Variants in TNRC18 observed in about 807,000 individuals in gnomAD.
TNRC18 encodes trinucleotide repeat-containing gene 18 protein.
In TNRC18, 69 loss-of-function variants were observed where a neutral mutation model predicts 226.7. The observed-to-expected ratio is 0.30, with a 90% CI of 0.25 to 0.37. The LOEUF (loss-of-function observed/expected upper bound fraction) is 0.37, where lower values mean the gene tolerates loss of function less well. Ranked by LOEUF, TNRC18 falls within the 10% of genes least tolerant of loss-of-function variation. TNRC18 has a pLI of 1.00. For missense variants in TNRC18, 4,754 were observed against 4,256.6 expected, an observed-to-expected ratio of 1.12 and a Z score of -3.25; for synonymous variants, 2,449 against 1,927.6, an observed-to-expected ratio of 1.27 and a Z score of -7.09.
chr7:5,382,031 G>T (rs1261485029), intron 5 of TNRC18, among the ~76,000 whole-genome samples: 1 of 151,948 alleles, frequency 6.6e-6, no homozygotes, highest in Non-Finnish European at 1.5e-5. Flanking sequence ...ATAAACAAAG[G>T]CTGTCCCTGT....
At chr7:5,358,769 G>C (rs557163795) in intron 15 of TNRC18, among the ~76,000 whole-genome samples, 1 of 152,174 alleles carries the variant, frequency 6.6e-6, no homozygotes, top group Non-Finnish European at 1.5e-5. Flanking sequence ...AGCCGAGATC[G>C]TGCCACGGCA....
Position 5,332,788 on chromosome 7 carries a change from C to A in TNRC18, c.5981G>T (p.Trp1994Leu), listed in dbSNP as rs1005949548. 1.3e-6 allele frequency: 2 copies of A among 1,513,918 alleles called. No homozygotes were observed. The highest frequency in any genetic ancestry group is 4.2e-5 in the Admixed American group (2 of 47,964). The allele number at this position is 1,513,918 out of a possible 1,614,324, so 93.8% of individuals were successfully genotyped here. ...AGPEASDDDL[W>L]TRRRSERIFL... is the part of the protein sequence containing the mutation. ...GATGCGCTCGCTGCGGCGCCGCGTC[C>A]ACAGGTCGTCGTCGCTGGCCTCGGG... Residue 1994 changes from tryptophan to leucine, a missense_variant, in exon 19 of 30, where the codon TGG becomes TTG. Coordinates refer to ENST00000430969, the MANE Select transcript of TNRC18 (RefSeq NM_001080495.3).
At chr7:5,316,205 G>T in intron 24 of TNRC18, 133 bp from the exon 25 acceptor site, 2 of 609,658 alleles carry the variant, frequency 3.3e-6, no homozygotes, top group Non-Finnish European at 5.5e-6. Flanking sequence ...GACATGGGTG[G>T]AGGGTATACA....
chr7:5,407,500 T>A (rs914744646), intron 2 of TNRC18: 2 of 152,094 alleles, frequency 1.3e-5, no homozygotes, highest in Non-Finnish European at 2.9e-5. Context: ...CAAAGATCCA[T>A]CAAGCTGGGC....
At chr7:5,315,664 C>T (rs1055876744) in intron 25 of TNRC18, among the ~76,000 whole-genome samples, 8 of 152,198 alleles carry the variant, frequency 5.3e-5, no homozygotes, top group African/African-American at 7.2e-5. Context: ...CCTCGTGATC[C>T]GCCCATCTTG....
chr7:5,359,330 A>C, intron 15 of TNRC18, 68 bp downstream of exon 15: 1 of 1,544,294 alleles, frequency 6.5e-7, no homozygotes, highest in East Asian at 2.3e-5. Flanking sequence ...AGGGAGCGTG[A>C]ACTCTTAACA....
chr7:5,318,620 ACG>A (rs1788071685), intron 24 of TNRC18, among the ~76,000 whole-genome samples: 3 of 147,402 alleles, frequency 2.0e-5, no homozygotes, highest in Non-Finnish European at 1.5e-5. Context: ...ACACACACAC[ACG>A]GAATTCCAGA....
chr7:5,389,182 C>T lies in TNRC18; in HGVS notation c.642G>A (p.Gly214=). 7.6e-7 allele frequency: 1 copy of T among 1,315,326 alleles called. No homozygotes were observed. The highest frequency in any genetic ancestry group is 3.6e-5 in the East Asian group (1 of 27,824). 81.5% of individuals were successfully genotyped at this position (1,315,326 alleles called of 1,614,324 possible). ...GPAKERAGRG[G]EPPPLFGKKD... is the part of the protein sequence containing the mutation. ...TCTTGCCGAAAAGCGGAGGCGGCTC[C>T]CCGCCGCGGCCCGCCCGCTCCTTGG... is the stretch of plus-strand genomic sequence containing the variant. Residue 214 remains glycine, a synonymous_variant, in exon 5 of 30, where the codon GGG becomes GGA. Transcript: ENST00000430969.
In TNRC18 at chr7:5,312,781, T is replaced by G; in HGVS notation, c.8110A>C (p.Thr2704Pro). The G allele has an allele frequency of 6.5e-7, 1 of 1,532,328 alleles. No individual in the cohort carries two copies. The highest frequency in any genetic ancestry group is 1.3e-5 in the South Asian group (1 of 77,274). 94.9% of individuals were successfully genotyped at this position (1,532,328 alleles called of 1,614,324 possible). A position where few individuals can be genotyped will look rare whatever the true frequency, so the allele number is the denominator to read the frequency against. The change falls in exon 27 of 30, where the codon ACC becomes CCC. Residue 2704 changes from threonine to proline, a missense_variant. Physicochemically the swap from Thr to Pro is conservative, Grantham distance 38. Transcript: ENST00000430969. This position sits in a 1 kb window ranked among gnomAD's most constrained non-coding sequence, Gnocchi z 6.3. ...SAQAALPTKA[T>P]KQAGKARPSA... The stretch of plus-strand genomic sequence containing the variant: ...GGCCGCGCCTTGCCGGCCTGCTTGG[T>G]GGCCTTGGTGGGGAGCGCCGCCTGC...
At position 5,388,899 on chromosome 7, in the gene TNRC18, C is replaced by T. The variant is rs1324031899; in HGVS notation, c.925G>A (p.Ala309Thr). The T allele has an allele frequency of 5.9e-6, 8 of 1,360,474 alleles. No homozygotes were observed. Among genetic ancestry groups the T allele is most frequent in the Non-Finnish European group, 7.6e-6 (8 of 1,052,836 alleles). 84.3% of individuals were successfully genotyped at this position (1,360,474 alleles called of 1,614,324 possible). Reference sequence around the variant, plus strand: ...AGCCGCGCGCCCTCGTCCTGCCGGGCAGCCTCCTTGGCACCCCCGCGCCCC... The same window carrying T: ...AGCCGCGCGCCCTCGTCCTGCCGGGTAGCCTCCTTGGCACCCCCGCGCCCC... Reference protein sequence around the residue: ...EAGRGGAKEAARQDEGARLLR... With the variant: ...EAGRGGAKEATRQDEGARLLR... Residue 309 changes from alanine (A) to threonine (T), a missense_variant, in exon 5 of 30, where the codon GCC becomes ACC. By Grantham distance (58) the Ala-to-Thr change is moderately conservative. Coordinates refer to ENST00000430969, the MANE Select transcript of TNRC18 (RefSeq NM_001080495.3).
rs1304153649 is a variant in TNRC18 at position 5,374,865 on chromosome 7, C to CTAA, written c.2800-384_2800-382dup. 9.2e-5 allele frequency among the ~76,000 whole-genome samples: 14 copies of CTAA among 152,358 alleles called. No homozygotes were observed. In the East Asian group the frequency reaches 2.7e-3, roughly 29 times the overall value. On this transcript the variant is annotated intron_variant, in intron 9 of 29. Transcript: ENST00000430969. ...TGGCATTGGGCGCACTCACTACCTG[C>CTAA]TAAACCTTCCTGCTTCACTGCGTCA...
In TNRC18 at chr7:5,371,049, G is replaced by A; in HGVS notation, c.3545C>T (p.Pro1182Leu). 2 of 1,610,622 alleles carry A rather than the reference G, an allele frequency of 1.2e-6. No individual in the cohort carries two copies. Among genetic ancestry groups the A allele is most frequent in the Non-Finnish European group, 8.5e-7 (1 of 1,179,650 alleles). Residue 1182 changes from proline to leucine, a missense_variant, in exon 11 of 30, where the codon CCC becomes CTC. Physicochemically the swap from Pro to Leu is moderately conservative, Grantham distance 98. Transcript: ENST00000430969. ...LPPLESPLPL[P>L]AAEAMATPSP... is the part of the protein sequence containing the mutation. Reference sequence around the variant, plus strand: ...GGGGGTAGCCATGGCTTCCGCGGCGGGCAGTGGCAGCGGCGACTCCAGAGG... The same window carrying A: ...GGGGGTAGCCATGGCTTCCGCGGCGAGCAGTGGCAGCGGCGACTCCAGAGG...
chr7:5,409,457 G>GC (rs1233131950), intron 2 of TNRC18, among the ~76,000 whole-genome samples: 1 of 152,046 alleles, frequency 6.6e-6, no homozygotes, highest in East Asian at 1.9e-4. Context: ...AGGCGTGGTG[G>GC]CGCACCCCTG....
intron 4 of TNRC18, 90 bp from the exon 5 acceptor site, chr7:5,389,426 G>A (rs576229574): frequency 8.5e-6 from 10 of 1,181,980 alleles, no homozygotes; most frequent in Middle Eastern, 3.4e-4. Flanking sequence ...GAGGGGGATG[G>A]ACCAACCCAT....
chr7:5,373,785 G>C (rs897796603), intron 10 of TNRC18, among the ~76,000 whole-genome samples: 1 of 152,110 alleles, frequency 6.6e-6, no homozygotes, highest in African/African-American at 2.4e-5. Flanking sequence ...GGTCTGGCTC[G>C]GTGGAAAACT....
At position 5,354,152 on chromosome 7, in the gene TNRC18, G is replaced by A. The variant is rs528748518; in HGVS notation, c.5195-2058C>T. Among the ~76,000 whole-genome samples the A allele has an allele frequency of 2.6e-5, 4 of 152,100 alleles. No individual in the cohort carries two copies. The East Asian group carries it at 5.8e-4, about 22-fold the overall frequency. On this transcript the variant is annotated intron_variant, in intron 16 of 29. Transcript: ENST00000430969. ...CGGGAGGCGGAGGTCGCAGTGAGCC[G>A]AGATCATGCCACCGTACTCCAGCCT...
chr7:5,378,317 C>T (rs955162692), intron 5 of TNRC18, among the ~76,000 whole-genome samples: 2 of 152,178 alleles, frequency 1.3e-5, no homozygotes, highest in African/African-American at 4.8e-5. Context: ...GGCCAACAGC[C>T]AGGGATATTG....
At chr7:5,332,549 G>A in intron 19 of TNRC18, 73 bp downstream of exon 19, 3 of 1,434,028 alleles carry the variant, frequency 2.1e-6, no homozygotes, top group Non-Finnish European at 2.8e-6. Flanking sequence ...CCTAGGCTGG[G>A]AGGGGAGAGG....
intron 29 of TNRC18, 144 bp from the exon 30 acceptor site, chr7:5,308,456 G>A: frequency 2.7e-6 from 2 of 738,540 alleles, no homozygotes; most frequent in Non-Finnish European, 4.5e-6. Context: ...GGCTGAGTAA[G>A]AGACAGACCA....
Sources: gnomAD v4.1 joint callset for allele counts (sites outside exome capture counted in the v4.1 genomes callset) on GRCh38, gnomAD v4.1.1 for gene constraint, Gnocchi (gnomAD v3.1) non-coding constraint, MANE v1.5 for transcripts, NCBI Gene and HGNC (gene_info 2026-07-23, HGNC 2026-07-21) for gene names.